Variants in RDX observed in about 807,000 individuals in gnomAD.
The protein encoded by RDX is radixin, also known as deafness, autosomal recessive 24.
RDX carries 32 observed loss-of-function variants against 83.7 expected under a neutral mutation model. That is an observed-to-expected ratio of 0.38 (90% CI 0.29 to 0.51). RDX has a LOEUF of 0.51. Ranked by LOEUF, RDX falls within the 20% of genes least tolerant of loss-of-function variation. RDX has a pLI of 0.87. For missense variants in RDX, 600 were observed against 689.9 expected, an observed-to-expected ratio of 0.87 and a Z score of 1.46; for synonymous variants, 229 against 222.7, an observed-to-expected ratio of 1.03 and a Z score of -0.25.
rs768546057 is a variant in RDX, at chr11:110,203,571, G to A, written c.1749-3893C>T. ...ACAAAGGAGAAAAGCTTGAGGGGAT[G>A]GATACCCCATTTTCCATATGTGATT... On this transcript the variant is annotated intron_variant, in intron 14 of 15. Coordinates refer to the RDX transcript ENST00000528498. Among the ~76,000 whole-genome samples the A allele has an allele frequency of 4.7e-4, 71 of 151,852 alleles. 1 individual carries two copies. The highest frequency in any genetic ancestry group is 3.4e-3 in the Middle Eastern group (1 of 294).
Position 110,296,449 on chromosome 11 carries a change from G to C in RDX, c.-65+18C>G, listed in dbSNP as rs2134468891. 6.6e-6 allele frequency: 1 copy of C among 151,598 alleles called. No homozygotes were observed. Among genetic ancestry groups the C allele is most frequent in the Admixed American group, 6.6e-5 (1 of 15,220 alleles). 9.4% of individuals were successfully genotyped at this position (151,598 alleles called of 1,614,324 possible). A position where few individuals can be genotyped will look rare whatever the true frequency, so the allele number is the denominator to read the frequency against. ...ACCGGGAGCGGGGAGTGGGGGAAGGGAGGGCGCCGCGCCTTACCCGGAGAG... is the reference window on the plus strand; with the variant it reads ...ACCGGGAGCGGGGAGTGGGGGAAGGCAGGGCGCCGCGCCTTACCCGGAGAG... On this transcript the variant is annotated intron_variant, in intron 1 of 13. Coordinates refer to ENST00000645495, the MANE Select transcript of RDX (RefSeq NM_002906.4).
intron 14 of RDX, among the ~76,000 whole-genome samples, chr11:110,202,836 A>T (rs566767645): frequency 6.6e-6 from 1 of 152,250 alleles, no homozygotes; most frequent in Admixed American, 6.5e-5. Flanking sequence ...TGAGATAATC[A>T]TCTTACCCCA....
At chr11:110,253,256 T>C (rs1269945142) in intron 9 of RDX, among the ~76,000 whole-genome samples, 1 of 152,180 alleles carries the variant, frequency 6.6e-6, no homozygotes, top group Non-Finnish European at 1.5e-5. Flanking sequence ...ACTCTATTTC[T>C]TAGACTATCA....
intron 15 of RDX, among the ~76,000 whole-genome samples, chr11:110,189,222 A>G (rs527378094): frequency 5.5e-5 from 8 of 145,934 alleles, no homozygotes; most frequent in African/African-American, 2.0e-4. Context: ...CAGATAAAAC[A>G]AACTTTAAAT....
intron 9 of RDX, 39 bp downstream of exon 9, chr11:110,253,907 C>T: frequency 6.3e-7 from 1 of 1,587,750 alleles, no homozygotes; most frequent in African/African-American, 1.3e-5. Flanking sequence ...AGATAGCCTA[C>T]TCCTATCAAT....
At chr11:110,211,011 T>C (rs1467851866) in intron 14 of RDX, among the ~76,000 whole-genome samples, 2 of 151,830 alleles carry the variant, frequency 1.3e-5, no homozygotes, top group African/African-American at 4.8e-5. Flanking sequence ...TAAATGTAAA[T>C]GGACTAAATG....
intron 1 of RDX, among the ~76,000 whole-genome samples, chr11:110,296,145 G>A (rs943639784): frequency 1.3e-5 from 2 of 152,206 alleles, no homozygotes; most frequent in African/African-American, 4.8e-5. Context: ...CACCGGCGCT[G>A]AAGGCAGACT....
intron 14 of RDX, among the ~76,000 whole-genome samples, chr11:110,213,084 A>T: frequency 6.6e-6 from 1 of 151,360 alleles, no homozygotes; most frequent in Non-Finnish European, 1.5e-5. Flanking sequence ...TATCTAGAAA[A>T]CCCCATTGTC....
chr11:110,259,630 T>C (rs550890387), intron 5 of RDX, among the ~76,000 whole-genome samples: 1 of 152,176 alleles, frequency 6.6e-6, no homozygotes, highest in African/African-American at 2.4e-5. Flanking sequence ...GGGAGAAGAG[T>C]TTCATCTTCC....
chr11:110,259,226 C>T (rs1280575157), intron 5 of RDX, among the ~76,000 whole-genome samples: 1 of 152,216 alleles, frequency 6.6e-6, no homozygotes, highest in African/African-American at 2.4e-5. Flanking sequence ...GCGTGAGCTA[C>T]CACGCCCAGC....
intron 2 of RDX, 140 bp downstream of exon 2, chr11:110,279,541 C>A: frequency 4.7e-6 from 3 of 642,218 alleles, no homozygotes; most frequent in Admixed American, 5.1e-5. Context: ...AATTTGGCCA[C>A]ATTAATCTAA....
intron 3 of RDX, among the ~76,000 whole-genome samples, chr11:110,269,285 A>G (rs771045187): frequency 1.7e-4 from 26 of 152,188 alleles, no homozygotes; most frequent in Admixed American, 4.6e-4. Flanking sequence ...GCCTAAAAAT[A>G]TATTTTAATA....
chr11:110,199,464 C>T (rs1863319652), intron 15 of RDX: 2 of 649,440 alleles, frequency 3.1e-6, no homozygotes, highest in African/African-American at 3.6e-5. Context: ...TCCACAGGTC[C>T]TGTGGATGAA....
intron 15 of RDX, among the ~76,000 whole-genome samples, chr11:110,197,544 T>C (rs902360335): frequency 1.3e-5 from 2 of 152,202 alleles, no homozygotes; most frequent in Non-Finnish European, 2.9e-5. Context: ...AGAAACTTTC[T>C]TTTCCTACTT....
Position 110,262,410 on chromosome 11 carries a change from C to A in RDX, c.467+1550G>T, listed in dbSNP as rs1484344742. On this transcript the variant is annotated intron_variant, in intron 5 of 13. Coordinates refer to ENST00000645495, the MANE Select transcript of RDX (RefSeq NM_002906.4). The stretch of plus-strand genomic sequence containing the variant: ...GACCAGCCTGACCAACACGGTGAAA[C>A]TCCATCTCCACTAAAAATGCAAAAA... 4.6e-5 allele frequency among the ~76,000 whole-genome samples: 7 copies of A among 152,168 alleles called. No individual in the cohort carries two copies. In the East Asian group the frequency reaches 1.2e-3, roughly 25 times the overall value.
intron 13 of RDX, among the ~76,000 whole-genome samples, chr11:110,232,693 T>C (rs1384300271): frequency 2.0e-5 from 3 of 152,212 alleles, no homozygotes; most frequent in African/African-American, 7.2e-5. Flanking sequence ...TGATCTCGGC[T>C]CACTGCAACC....
intron 2 of RDX, among the ~76,000 whole-genome samples, chr11:110,274,964 T>A (rs1426799105): frequency 6.6e-6 from 1 of 152,238 alleles, no homozygotes; most frequent in Non-Finnish European, 1.5e-5. Context: ...CACCTTCTAC[T>A]TTTACCACAT....
chr11:110,209,513 T>C (rs531857472), intron 14 of RDX, among the ~76,000 whole-genome samples: 1 of 152,356 alleles, frequency 6.6e-6, no homozygotes, highest in South Asian at 2.1e-4. Context: ...TGCCTGCCTC[T>C]GTAGGCAGCA....
At chr11:110,237,909 C>A in intron 10 of RDX, 1 of 481,940 alleles carries the variant, frequency 2.1e-6, no homozygotes. Context: ...GTAGCTAGGA[C>A]TACAGGCGCT....
Sources: gnomAD v4.1 joint callset for allele counts (sites outside exome capture counted in the v4.1 genomes callset) on GRCh38, gnomAD v4.1.1 for gene constraint, MANE v1.5 for transcripts, NCBI Gene and HGNC (gene_info 2026-07-23, HGNC 2026-07-21) for gene names.